DPP10: variants seen among roughly 807,000 people sequenced by gnomAD.
The protein encoded by DPP10 is inactive dipeptidyl peptidase 10.
Under a neutral mutation model 120.9 loss-of-function variants are expected in DPP10, and 33 were observed. That is an observed-to-expected ratio of 0.27 (90% CI 0.21 to 0.37). The LOEUF is 0.37. Ranked by LOEUF, DPP10 falls within the 10% of genes least tolerant of loss-of-function variation. The probability of loss-of-function intolerance (pLI) is 1.00; values close to 1 mark genes in which losing one functional copy is unlikely to be tolerated. For synonymous variants in DPP10, 337 were observed against 326.1 expected (o/e 1.03, Z -0.36); for missense variants, 816 against 942.8 (o/e 0.87, Z 1.76).
chr2:115,001,293 C>T (rs1010808592), intron 1 of DPP10, among the ~76,000 whole-genome samples: 8 of 152,142 alleles, frequency 5.3e-5, no homozygotes, highest in African/African-American at 1.9e-4. Context: ...AGAGAATAAA[C>T]AAAATCAGAT....
At chr2:115,559,093 T>C (rs1249744894) in intron 5 of DPP10, among the ~76,000 whole-genome samples, 1 of 152,180 alleles carries the variant, frequency 6.6e-6, no homozygotes, top group Non-Finnish European at 1.5e-5. Context: ...TCAAAAAGTA[T>C]TTTTATATTT....
intron 5 of DPP10, among the ~76,000 whole-genome samples, chr2:115,574,993 C>T (rs1558871179): frequency 6.6e-6 from 1 of 152,198 alleles, no homozygotes; most frequent in Non-Finnish European, 1.5e-5. Flanking sequence ...CATGGTTTCC[C>T]TGAGAACTGG....
intron 1 of DPP10, among the ~76,000 whole-genome samples, chr2:115,222,414 G>T (rs1326884618): frequency 2.0e-5 from 3 of 152,050 alleles, no homozygotes; most frequent in Non-Finnish European, 4.4e-5. Flanking sequence ...CATGGGGCAG[G>T]TCTTCTCATG....
At chr2:115,206,842 T>C (rs190665556) in intron 1 of DPP10, among the ~76,000 whole-genome samples, 1 of 152,358 alleles carries the variant, frequency 6.6e-6, no homozygotes, top group East Asian at 1.9e-4. Flanking sequence ...TTGTCCAATC[T>C]AGATACAGGC....
At chr2:115,029,082 T>C (rs377705105) in intron 1 of DPP10, among the ~76,000 whole-genome samples, 53 of 152,216 alleles carry the variant, frequency 3.5e-4, no homozygotes, top group African/African-American at 1.1e-3. Context: ...TAAAGGCTTA[T>C]TATTGCTATT....
At chr2:114,973,432 C>A (rs778715875) in intron 1 of DPP10, among the ~76,000 whole-genome samples, 2 of 151,584 alleles carry the variant, frequency 1.3e-5, no homozygotes, top group South Asian at 2.1e-4. Context: ...GAGGACGAGG[C>A]GGGTGGATCA....
intron 1 of DPP10, among the ~76,000 whole-genome samples, chr2:114,890,979 C>T (rs981824602): frequency 4.6e-5 from 7 of 151,880 alleles, no homozygotes; most frequent in Non-Finnish European, 1.0e-4. Flanking sequence ...GAAAACACAC[C>T]GAGTTTTATC....
At chr2:114,723,387 A>G (rs1701831411) in intron 1 of DPP10, among the ~76,000 whole-genome samples, 1 of 152,190 alleles carries the variant, frequency 6.6e-6, no homozygotes. Flanking sequence ...GATGATGGTA[A>G]TTGGAAAGAT....
At chr2:114,520,848 A>C (rs886857237) in intron 1 of DPP10, among the ~76,000 whole-genome samples, 1 of 152,190 alleles carries the variant, frequency 6.6e-6, no homozygotes, top group Non-Finnish European at 1.5e-5. Flanking sequence ...GGGATGCTGA[A>C]AGCTTAGCAG....
chr2:114,955,611 C>T (rs576005548), intron 1 of DPP10, among the ~76,000 whole-genome samples: 3 of 152,284 alleles, frequency 2.0e-5, no homozygotes, highest in South Asian at 4.1e-4. Context: ...TAGCATTAGC[C>T]TCCTATCGAA....
chr2:115,659,197 G>T (rs2088677408), intron 5 of DPP10, among the ~76,000 whole-genome samples: 1 of 152,048 alleles, frequency 6.6e-6, no homozygotes. Flanking sequence ...TCAGATGCTG[G>T]CACCATGCTC....
At chr2:115,315,085 G>A (rs2061727912) in intron 2 of DPP10, among the ~76,000 whole-genome samples, 1 of 151,892 alleles carries the variant, frequency 6.6e-6, no homozygotes, top group African/African-American at 2.4e-5. Context: ...TGACTAAATT[G>A]ACCTTGGTAT....
intron 1 of DPP10, among the ~76,000 whole-genome samples, chr2:115,043,464 C>G (rs887098914): frequency 2.6e-5 from 4 of 152,146 alleles, no homozygotes; most frequent in Admixed American, 2.0e-4. Flanking sequence ...TGTGTAGTTA[C>G]GCATTTAAAA....
intron 3 of DPP10, among the ~76,000 whole-genome samples, chr2:115,400,848 G>A (rs2068022692): frequency 6.6e-6 from 1 of 152,214 alleles, no homozygotes. Context: ...AGCAAGAATA[G>A]TATTTGTAAC....
At chr2:115,586,274 C>A (rs1194739177) in intron 5 of DPP10, among the ~76,000 whole-genome samples, 1 of 152,168 alleles carries the variant, frequency 6.6e-6, no homozygotes, top group African/African-American at 2.4e-5. Context: ...TTGCAATGAG[C>A]TGAGATCGTG....
intron 1 of DPP10, among the ~76,000 whole-genome samples, chr2:114,842,775 GA>G (rs1343389647): frequency 2.6e-5 from 4 of 152,106 alleles, no homozygotes; most frequent in African/African-American, 9.7e-5. Flanking sequence ...AACAAGTCCA[GA>G]AATGCTGAAT....
At chr2:114,869,054 T>G (rs1370454123) in intron 1 of DPP10, among the ~76,000 whole-genome samples, 12 of 152,154 alleles carry the variant, frequency 7.9e-5, no homozygotes, top group Non-Finnish European at 1.5e-5. Flanking sequence ...AAGTTGCTAT[T>G]TATTGGATTA....
intron 7 of DPP10, among the ~76,000 whole-genome samples, chr2:115,712,504 G>A (rs115436444): frequency 0.011 from 1,191 of 110,214 alleles, 24 homozygotes; most frequent in African/African-American, 0.043. Flanking sequence ...CTCAACATTC[G>A]CAATGAAATT....
chr2:115,091,163 T>C (rs1224327598), intron 1 of DPP10, among the ~76,000 whole-genome samples: 2 of 152,186 alleles, frequency 1.3e-5, no homozygotes, highest in Non-Finnish European at 2.9e-5. Context: ...AGAAGCCAGA[T>C]CAAGGCAACA....
Sources: allele counts gnomAD v4.1 joint callset (sites outside exome capture counted in the v4.1 genomes callset), GRCh38; gene constraint gnomAD v4.1.1; transcripts MANE v1.5; gene names NCBI Gene and HGNC (gene_info 2026-07-23, HGNC 2026-07-21).